Variants in LZTFL1 observed in about 807,000 individuals in gnomAD.
LZTFL1 encodes leucine zipper transcription factor like 1, also known as leucine zipper transcription factor-like protein 1.
Under a neutral mutation model 45.9 loss-of-function variants are expected in LZTFL1, and 25 were observed. The ratio of observed to expected loss-of-function variants is 0.54; its 90% CI spans 0.40 to 0.76. LZTFL1 has a LOEUF of 0.76. Ranked by LOEUF, LZTFL1 falls within the 30% of genes least tolerant of loss-of-function variation. The pLI is 0.00. For missense variants in LZTFL1, 277 were observed against 331.1 expected, an observed-to-expected ratio of 0.84 and a Z score of 1.27; for synonymous variants, 93 against 117.4, an observed-to-expected ratio of 0.79 and a Z score of 1.35.
chr3:45,831,029 T>C (rs746185084), intron 6 of LZTFL1, 39 bp from the exon 7 acceptor site: 2 of 1,603,826 alleles, frequency 1.2e-6, no homozygotes, highest in South Asian at 1.1e-5. Context: ...CAGTATTTAA[T>C]CTGTAGGCAG....
intron 2 of LZTFL1, among the ~76,000 whole-genome samples, chr3:45,886,203 C>G (rs1311791774): frequency 6.6e-6 from 1 of 152,070 alleles, no homozygotes; most frequent in Non-Finnish European, 1.5e-5. Context: ...GTGACACCAC[C>G]TAAAGAAATC....
intron 2 of LZTFL1, among the ~76,000 whole-genome samples, chr3:45,892,515 C>T (rs1227450992): frequency 6.6e-6 from 1 of 151,996 alleles, no homozygotes; most frequent in Non-Finnish European, 1.5e-5. Flanking sequence ...ATGTTGAGTA[C>T]ATATGGACAC....
chr3:45,840,366 G>C (rs1376837084), intron 1 of LZTFL1, among the ~76,000 whole-genome samples: 1 of 152,162 alleles, frequency 6.6e-6, no homozygotes, highest in Non-Finnish European at 1.5e-5. Flanking sequence ...TCATTAGAGA[G>C]GAAATGGAAT....
At chr3:45,842,193 A>G (rs1701138884), upstream of LZTFL1, 5 of 1,446,054 alleles carry the variant, frequency 3.5e-6, no homozygotes, top group Non-Finnish European at 4.6e-6. Flanking sequence ...ACGCGACAGG[A>G]AGTATTGCGT....
intron 4 of LZTFL1, among the ~76,000 whole-genome samples, chr3:45,848,730 A>G (rs1018789154): frequency 6.6e-6 from 1 of 152,198 alleles, no homozygotes; most frequent in African/African-American, 2.4e-5. Context: ...GAATGGTGCC[A>G]TGTGGTCTCT....
At chr3:45,895,778 C>T (rs190217618) in intron 2 of LZTFL1, among the ~76,000 whole-genome samples, 13 of 151,406 alleles carry the variant, frequency 8.6e-5, no homozygotes, top group African/African-American at 1.5e-4. Flanking sequence ...CTTTTACAGC[C>T]GAATGTAATT....
At chr3:45,868,227 A>C (rs1017594143) in intron 2 of LZTFL1, among the ~76,000 whole-genome samples, 26 of 150,838 alleles carry the variant, frequency 1.7e-4, no homozygotes, top group African/African-American at 6.3e-4. Flanking sequence ...TTTGCAAAAA[A>C]AAAAAGAGGA....
At chr3:45,856,992 C>T (rs1043537679) in intron 3 of LZTFL1, among the ~76,000 whole-genome samples, 2 of 152,164 alleles carry the variant, frequency 1.3e-5, no homozygotes, top group African/African-American at 4.8e-5. Flanking sequence ...ATGAGAAATA[C>T]CATTTGACCC....
chr3:45,841,916 C>T, intron 1 of LZTFL1, 73 bp downstream of exon 1: 1 of 1,570,248 alleles, frequency 6.4e-7, no homozygotes, highest in Non-Finnish European at 8.7e-7. Flanking sequence ...TCCGGGCCCA[C>T]CCGCTCAGTG....
At chr3:45,913,273 A>G in intron 1 of LZTFL1, 2 of 912,866 alleles carry the variant, frequency 2.2e-6, no homozygotes, top group Non-Finnish European at 3.3e-6. Flanking sequence ...CTTGTTTTTC[A>G]TGAGGACCTG....
chr3:45,842,095 G>A lies in LZTFL1; in HGVS notation c.-104C>T, dbSNP rs941389238. The A allele has an allele frequency of 6.4e-7, 1 of 1,564,470 alleles. No individual in the cohort carries two copies. The highest frequency in any genetic ancestry group is 1.2e-5 in the South Asian group (1 of 85,856). On this transcript the variant is annotated 5_prime_UTR_variant, in exon 1 of 10. Transcript: ENST00000296135. ...AGTTGGACCACAGAAAATGGGGAAG[G>A]AGGGTAGGTTGTTTAGAAGCCTCTG...
At chr3:45,910,845 C>T (rs927184102) in intron 2 of LZTFL1, among the ~76,000 whole-genome samples, 8 of 151,994 alleles carry the variant, frequency 5.3e-5, no homozygotes, top group Admixed American at 3.3e-4. Context: ...TTTTGTGAGC[C>T]GGGAATTTGG....
chr3:45,868,384 C>T (rs982687772), intron 2 of LZTFL1, among the ~76,000 whole-genome samples: 1 of 152,054 alleles, frequency 6.6e-6, no homozygotes, highest in Admixed American at 6.6e-5. Flanking sequence ...CTTAACAAAG[C>T]TGTTTCATTA....
chr3:45,840,326 C>T (rs1318896843), intron 1 of LZTFL1, among the ~76,000 whole-genome samples: 1 of 152,136 alleles, frequency 6.6e-6, no homozygotes. Flanking sequence ...CCTTTACTTC[C>T]ACACATATAC....
intron 2 of LZTFL1, among the ~76,000 whole-genome samples, chr3:45,863,189 T>A (rs539428820): frequency 6.6e-6 from 1 of 152,370 alleles, no homozygotes; most frequent in Non-Finnish European, 1.5e-5. Flanking sequence ...GTGCGTCTAA[T>A]GTCCTTCAGG....
At chr3:45,907,842 G>T (rs916502793) in intron 2 of LZTFL1, among the ~76,000 whole-genome samples, 1 of 152,182 alleles carries the variant, frequency 6.6e-6, no homozygotes, top group Admixed American at 6.5e-5. Flanking sequence ...TCTTGCTCAC[G>T]TGTGTCTGCC....
chr3:45,913,094 A>G (rs1158369725), intron 2 of LZTFL1: 10 of 1,534,652 alleles, frequency 6.5e-6, no homozygotes, highest in Non-Finnish European at 7.9e-6. Flanking sequence ...TAGCAGTAAT[A>G]TGTTCTGTAA....
chr3:45,906,109 C>A lies in LZTFL1; in HGVS notation c.-215+7011G>T, dbSNP rs1021705474. ...GCAACAATTTTCTCACCAGGGGCTG[C>A]CAATTCCAAGAGCCCACCTAAGGCT... On this transcript the variant is annotated intron_variant, in intron 2 of 4. Coordinates refer to the LZTFL1 transcript ENST00000472635. Among the ~76,000 whole-genome samples, 18 of 152,290 alleles carry A rather than the reference C, an allele frequency of 1.2e-4. No individual in the cohort carries two copies. In the East Asian group the frequency reaches 2.7e-3, roughly 23 times the overall value.
chr3:45,885,335 T>G (rs1412107754), intron 2 of LZTFL1, among the ~76,000 whole-genome samples: 2 of 152,238 alleles, frequency 1.3e-5, no homozygotes, highest in Non-Finnish European at 2.9e-5. Context: ...ACATCAGGAT[T>G]GAAGTCCCCA....
Sources: allele counts gnomAD v4.1 joint callset (sites outside exome capture counted in the v4.1 genomes callset), GRCh38; gene constraint gnomAD v4.1.1; transcripts MANE v1.5; gene names NCBI Gene and HGNC (gene_info 2026-07-23, HGNC 2026-07-21).